Variants in RABGEF1 observed in about 807,000 individuals in gnomAD.
The protein encoded by RABGEF1 is RAB guanine nucleotide exchange factor 1.
A neutral mutation model predicts 57.3 loss-of-function variants in RABGEF1; 26 were observed. That is an observed-to-expected ratio of 0.45 (90% confidence interval 0.33 to 0.63). The LOEUF (loss-of-function observed/expected upper bound fraction) is 0.63. Ranked by LOEUF, RABGEF1 falls within the 20% of genes least tolerant of loss-of-function variation. The pLI is 0.02. For missense variants in RABGEF1, 464 were observed against 607.6 expected (o/e 0.76, Z 2.48); for synonymous variants, 185 against 210.7 (o/e 0.88, Z 1.06).
intron 1 of RABGEF1, among the ~76,000 whole-genome samples, chr7:66,745,628 G>T (rs1283552717): frequency 7.2e-5 from 11 of 152,030 alleles, no homozygotes; most frequent in Non-Finnish European, 1.2e-4. Flanking sequence ...ACTTAGCCAG[G>T]CATGGTGATG....
chr7:66,662,493 C>A, the RABGEF1 span, among the ~76,000 whole-genome samples: 1 of 152,202 alleles, frequency 6.6e-6, no homozygotes, highest in Admixed American at 6.5e-5. Flanking sequence ...TGTCCCATGC[C>A]AGCTGAGGGT....
At chr7:66,698,266 A>G (rs1431176774) in intron 1 of RABGEF1, among the ~76,000 whole-genome samples, 2 of 152,234 alleles carry the variant, frequency 1.3e-5, no homozygotes, top group Non-Finnish European at 2.9e-5. Context: ...GTCCCAGGCT[A>G]GGGCCATGCC....
intron 1 of RABGEF1, among the ~76,000 whole-genome samples, chr7:66,747,607 A>G (rs1425141251): frequency 6.6e-6 from 1 of 152,188 alleles, no homozygotes; most frequent in Non-Finnish European, 1.5e-5. Flanking sequence ...TTAAAAATAC[A>G]TAGTGAAAGT....
At chr7:66,782,398 A>G (rs2129139597) in intron 3 of RABGEF1, among the ~76,000 whole-genome samples, 1 of 151,446 alleles carries the variant, frequency 6.6e-6, no homozygotes, top group East Asian at 1.9e-4. Context: ...TCTGAGTTAT[A>G]AACACATATA....
upstream of RABGEF1, among the ~76,000 whole-genome samples, chr7:66,738,048 T>C (rs1585050396): frequency 7.0e-6 from 1 of 142,854 alleles, no homozygotes; most frequent in Non-Finnish European, 1.5e-5. Context: ...TGAGACAGGG[T>C]CTTGCTCTGT....
At chr7:66,729,533 A>G (rs920273792) in intron 2 of RABGEF1, among the ~76,000 whole-genome samples, 3 of 34,170 alleles carry the variant, frequency 8.8e-5, no homozygotes, top group African/African-American at 3.3e-4. Flanking sequence ...CTCACCTTCA[A>G]CCTCACCTTT....
At chr7:66,698,366 A>G (rs1429037489) in intron 1 of RABGEF1, among the ~76,000 whole-genome samples, 1 of 152,170 alleles carries the variant, frequency 6.6e-6, no homozygotes, top group Non-Finnish European at 1.5e-5. Context: ...AGGGGTGACA[A>G]GAGAGGACTG....
At chr7:66,725,915 C>T (rs1318416012) in intron 2 of RABGEF1, among the ~76,000 whole-genome samples, 3 of 152,212 alleles carry the variant, frequency 2.0e-5, no homozygotes, top group African/African-American at 7.2e-5. Flanking sequence ...GAAGCTGTGA[C>T]CCTTTCTTGG....
At position 66,764,163 on chromosome 7, in the gene RABGEF1, T is replaced by C. The variant is rs571990032; in HGVS notation, c.-17-7720T>C. 3.3e-5 allele frequency among the ~76,000 whole-genome samples: 5 copies of C among 152,352 alleles called. No individual in the cohort carries two copies. In the South Asian group the frequency reaches 1.0e-3, roughly 32 times the overall value. On this transcript the variant is annotated intron_variant, in intron 1 of 8. Transcript: ENST00000284957. ...ATTTCTGACTTTTTGGTTCTAGTCA[T>C]CCTACTGGATGTGAAGTGGCATCTC...
At chr7:66,756,650 T>G (rs933126788) in intron 1 of RABGEF1, among the ~76,000 whole-genome samples, 14 of 152,230 alleles carry the variant, frequency 9.2e-5, no homozygotes, top group African/African-American at 3.4e-4. Flanking sequence ...TTTATGTATT[T>G]TAAGTTTTGT....
At chr7:66,758,619 C>G (rs1191790346) in intron 1 of RABGEF1, among the ~76,000 whole-genome samples, 1 of 152,144 alleles carries the variant, frequency 6.6e-6, no homozygotes, top group African/African-American at 2.4e-5. Context: ...GCAGCTGATC[C>G]CCCATGTTTC....
upstream of RABGEF1, among the ~76,000 whole-genome samples, chr7:66,737,433 G>A (rs963848295): frequency 2.7e-5 from 4 of 148,408 alleles, no homozygotes; most frequent in African/African-American, 7.8e-5. Context: ...TACGCAATAC[G>A]AGACTGGGTA....
rs761285645 is a variant in RABGEF1 at position 66,808,982 on chromosome 7, A to G, written c.1174A>G (p.Arg392Gly). Residue 392 changes from arginine (R) to glycine (G), a missense_variant, in exon 9 of 9, where the codon AGG becomes GGG. Transcript: ENST00000284957. ...DRYMSGQTSPRKQEAESWSPD... is the reference protein window; with the variant it reads ...DRYMSGQTSPGKQEAESWSPD... ...CTACATGTCTGGCCAGACCTCTCCC[A>G]GGAAGCAAGAAGCTGAGAGTTGGTC... 3 of 1,614,154 alleles carry G rather than the reference A, an allele frequency of 1.9e-6. No homozygotes were observed. In the Admixed American group the frequency reaches 5.0e-5, roughly 27 times the overall value.
the RABGEF1 span, chr7:66,669,854 C>G: frequency 1.3e-5 from 2 of 152,068 alleles, no homozygotes; most frequent in African/African-American, 4.8e-5. Context: ...CCTCACCACC[C>G]ACACCCGGGC....
chr7:66,679,543 T>C (rs1789544861), upstream of RABGEF1, among the ~76,000 whole-genome samples: 1 of 152,192 alleles, frequency 6.6e-6, no homozygotes, highest in Admixed American at 6.6e-5. Flanking sequence ...GGTCTCAAAC[T>C]CCTGACCTCA....
intron 1 of RABGEF1, among the ~76,000 whole-genome samples, chr7:66,703,046 T>C (rs1340631585): frequency 6.6e-6 from 1 of 152,198 alleles, no homozygotes; most frequent in Non-Finnish European, 1.5e-5. Context: ...CTATCTCAAC[T>C]TACTGCAAGC....
chr7:66,695,411 G>C (rs1419657570), intron 1 of RABGEF1, among the ~76,000 whole-genome samples: 1 of 152,212 alleles, frequency 6.6e-6, no homozygotes, highest in African/African-American at 2.4e-5. Flanking sequence ...CTCTGGAAGA[G>C]AGGCAGGAAG....
At chr7:66,776,832 G>A (rs1808679685) in intron 3 of RABGEF1, among the ~76,000 whole-genome samples, 2 of 152,214 alleles carry the variant, frequency 1.3e-5, no homozygotes, top group Non-Finnish European at 2.9e-5. Context: ...AAATAAGAAT[G>A]TATTGGGCTC....
chr7:66,707,452 A>G (rs2707827), intron 1 of RABGEF1, among the ~76,000 whole-genome samples: 75,968 of 151,922 alleles, frequency 0.5, 19,984 homozygotes, highest in East Asian at 0.74. Context: ...CAGCACTTTG[A>G]GAGGCCAAGG....
Sources: allele counts gnomAD v4.1 joint callset (sites outside exome capture counted in the v4.1 genomes callset), GRCh38; gene constraint gnomAD v4.1.1; transcripts MANE v1.5; gene names NCBI Gene and HGNC (gene_info 2026-07-23, HGNC 2026-07-21).